MGA: variants seen among roughly 807,000 people sequenced by gnomAD.
The protein encoded by MGA is MAX dimerization protein MGA, also known as MAX gene-associated protein.
MGA carries 40 observed loss-of-function variants against 261.1 expected under a neutral mutation model. That is an observed-to-expected ratio of 0.15 (90% CI 0.12 to 0.20). The LOEUF is 0.20. MGA is among the 10% of genes least tolerant of loss of function. MGA has a pLI of 1.00. For synonymous variants in MGA, 1,302 were observed against 1,290.6 expected (o/e 1.01, Z -0.19); for missense variants, 3,397 against 3,630.5 (o/e 0.94, Z 1.65).
At chr15:41,659,662 C>T (rs561633759), upstream of MGA, among the ~76,000 whole-genome samples, 1 of 152,318 alleles carries the variant, frequency 6.6e-6, no homozygotes, top group African/African-American at 2.4e-5. Flanking sequence ...TTTCTTTGCA[C>T]CTCATAGCTT....
intron 15 of MGA, among the ~76,000 whole-genome samples, chr15:41,744,183 T>C (rs1255387576): frequency 6.6e-6 from 1 of 152,124 alleles, no homozygotes; most frequent in Non-Finnish European, 1.5e-5. Context: ...AATCTATATA[T>C]ATATATGTGT....
Position 41,749,347 on chromosome 15 carries a change from A to G in MGA, c.5740A>G (p.Ser1914Gly). 6.2e-7 allele frequency: 1 copy of G among 1,614,044 alleles called. No individual in the cohort carries two copies. Among genetic ancestry groups the G allele is most frequent in the Non-Finnish European group, 8.5e-7 (1 of 1,179,898 alleles). ...TCCTCCTGAACCACAAAGCTTTGCA[A>G]GTAAAACAGGCTCTGAAACCAAAAT... is the stretch of plus-strand genomic sequence containing the variant. Residue 1914 changes from serine to glycine, a missense_variant, in exon 17 of 24, where the codon AGT becomes GGT. Around this residue, in one of 9 missense-constraint regions of MGA, gnomAD observed 1,410 missense variants for 1,386.4 expected, o/e 1.02. Coordinates refer to ENST00000219905, the MANE Select transcript of MGA (RefSeq NM_001164273.2).
At chr15:41,764,114 A>G (rs1290145316) in intron 22 of MGA, among the ~76,000 whole-genome samples, 1 of 152,002 alleles carries the variant, frequency 6.6e-6, no homozygotes, top group Non-Finnish European at 1.5e-5. Flanking sequence ...AGCTGAAATC[A>G]CACCACTGTG....
intron 15 of MGA, among the ~76,000 whole-genome samples, chr15:41,745,291 A>T (rs1043531650): frequency 3.4e-5 from 5 of 149,074 alleles, no homozygotes; most frequent in East Asian, 3.9e-4. Flanking sequence ...TAAAAAAAAA[A>T]AAAAAAAAAA....
chr15:41,719,274 T>C (rs1301242869), intron 9 of MGA, among the ~76,000 whole-genome samples: 2 of 152,070 alleles, frequency 1.3e-5, no homozygotes, highest in African/African-American at 2.4e-5. Context: ...AAATATATTG[T>C]TTTCATTTAT....
chr15:41,743,660 G>A (rs910807455), intron 15 of MGA, among the ~76,000 whole-genome samples: 2 of 152,200 alleles, frequency 1.3e-5, no homozygotes, highest in Non-Finnish European at 2.9e-5. Context: ...AAATGCAGAT[G>A]TTCCTTTTGT....
intron 1 of MGA, among the ~76,000 whole-genome samples, chr15:41,653,024 T>A (rs550989703): frequency 6.6e-6 from 1 of 152,276 alleles, no homozygotes; most frequent in South Asian, 2.1e-4. Flanking sequence ...TTCAAGTTGC[T>A]TTGAATAATC....
intron 13 of MGA, among the ~76,000 whole-genome samples, chr15:41,739,054 C>CT (rs1567058355): frequency 6.6e-6 from 1 of 151,960 alleles, no homozygotes; most frequent in African/African-American, 2.4e-5. Context: ...AAAAGGTTAT[C>CT]TTCTCTAGAG....
chr15:41,678,924 C>A (rs1362601517), intron 2 of MGA, among the ~76,000 whole-genome samples: 1 of 152,210 alleles, frequency 6.6e-6, no homozygotes, highest in Admixed American at 6.5e-5. Flanking sequence ...ATGCCAGTGT[C>A]ACATTATTTT....
intron 9 of MGA, among the ~76,000 whole-genome samples, chr15:41,722,659 A>G (rs1330791702): frequency 6.6e-6 from 1 of 152,168 alleles, no homozygotes; most frequent in African/African-American, 2.4e-5. Context: ...ACATTTCTTT[A>G]TAAATGCTAT....
intron 8 of MGA, among the ~76,000 whole-genome samples, chr15:41,712,242 AT>A (rs2060422019): frequency 6.6e-6 from 1 of 150,972 alleles, no homozygotes. Flanking sequence ...TTATTTATTT[AT>A]TTGTTTTTGA....
intron 1 of MGA, among the ~76,000 whole-genome samples, chr15:41,666,411 ACTGT>A (rs1353940095): frequency 6.6e-6 from 1 of 152,146 alleles, no homozygotes; most frequent in African/African-American, 2.4e-5. Context: ...AGACCGAAAT[ACTGT>A]CTATTTCTTT....
At position 41,768,542 on chromosome 15, in the gene MGA, G is replaced by T. The variant is rs557136722; in HGVS notation, c.*1262G>T. On this transcript the variant is annotated 3_prime_UTR_variant, in exon 24 of 24. Transcript: ENST00000219905. Reference sequence around the variant, plus strand: ...GGGGTCTCTTGGAAACTCCTAGGGGGTCAAGAATCACTATTCTGAAACTGT... The same window carrying T: ...GGGGTCTCTTGGAAACTCCTAGGGGTTCAAGAATCACTATTCTGAAACTGT... 6.5e-6 allele frequency: 1 copy of T among 152,690 alleles called. No homozygotes were observed. Among genetic ancestry groups the T allele is most frequent in the South Asian group, 2.1e-4 (1 of 4,822 alleles). 9.5% of individuals were successfully genotyped at this position (152,690 alleles called of 1,614,324 possible).
chr15:41,698,406 C>G (rs1472576550), intron 3 of MGA, among the ~76,000 whole-genome samples: 1 of 152,088 alleles, frequency 6.6e-6, no homozygotes, highest in East Asian at 1.9e-4. Flanking sequence ...ACCTTGTGAT[C>G]CACCTGCCTC....
chr15:41,767,380 C>G lies in MGA; in HGVS notation c.*100C>G. 5 of 1,278,552 alleles carry G rather than the reference C, an allele frequency of 3.9e-6. No homozygotes were observed. The South Asian group carries it at 4.2e-5, about 11-fold the overall frequency. The allele number at this position is 1,278,552 out of a possible 1,614,324, so 79.2% of individuals were successfully genotyped here. Reference sequence around the variant, plus strand: ...TTGTTTGTGTCTTAGAACTTGGATCCTTGACTTCAATGATGCAGTGGATAA... The same window carrying G: ...TTGTTTGTGTCTTAGAACTTGGATCGTTGACTTCAATGATGCAGTGGATAA... On this transcript the variant is annotated 3_prime_UTR_variant, in exon 24 of 24. Coordinates refer to ENST00000219905, the MANE Select transcript of MGA (RefSeq NM_001164273.2).
At chr15:41,661,172 A>G (rs1414013390) in intron 1 of MGA, among the ~76,000 whole-genome samples, 1 of 152,178 alleles carries the variant, frequency 6.6e-6, no homozygotes, top group Non-Finnish European at 1.5e-5. Context: ...GTGTAAGTGC[A>G]GAAATGAGGG....
Position 41,652,390 on chromosome 15 carries a change from G to A in MGA, c.-67-16438G>A, listed in dbSNP as rs773950821. ...CTCCCCTCTCCCCTCTCCTTTCCCC[G>A]CCTTTCACTCTGATGCCTAGGCTAG... On this transcript the variant is annotated intron_variant, in intron 1 of 8. Transcript: ENST00000566718. Among the ~76,000 whole-genome samples, 14 of 127,568 alleles carry A rather than the reference G, an allele frequency of 1.1e-4. 1 individual carries two copies. The highest frequency in any genetic ancestry group is 1.9e-4 in the Non-Finnish European group (12 of 62,636). 83.7% of individuals were successfully genotyped at this position (127,568 alleles called of 152,430 possible). A position where few individuals can be genotyped will look rare whatever the true frequency, so the allele number is the denominator to read the frequency against.
chr15:41,738,189 A>G (rs1026662285), intron 13 of MGA, among the ~76,000 whole-genome samples: 1 of 151,966 alleles, frequency 6.6e-6, no homozygotes, highest in Non-Finnish European at 1.5e-5. Context: ...TCATGAGGTC[A>G]GGAGTTCAAG....
chr15:41,635,333 CAAAT>C (rs1255659349), intron 1 of MGA, among the ~76,000 whole-genome samples: 3 of 149,490 alleles, frequency 2.0e-5, no homozygotes, highest in East Asian at 4.1e-4. Context: ...GACTCTGTCT[CAAAT>C]AAATAAATAA....
Sources: allele counts gnomAD v4.1 joint callset (sites outside exome capture counted in the v4.1 genomes callset), GRCh38; gene constraint gnomAD v4.1.1; regional missense constraint gnomAD v4.1.1; transcripts MANE v1.5; gene names NCBI Gene and HGNC (gene_info 2026-07-23, HGNC 2026-07-21).